CSMD1: variants seen among roughly 807,000 people sequenced by gnomAD.
The protein encoded by CSMD1 is CUB and Sushi multiple domains 1.
A neutral mutation model predicts 417.5 loss-of-function variants in CSMD1; 213 were observed. The ratio of observed to expected loss-of-function variants is 0.51; its 90% CI spans 0.46 to 0.57. The LOEUF (loss-of-function observed/expected upper bound fraction) is 0.57. Among genes scored for constraint, CSMD1 ranks in the 20% least tolerant of loss-of-function variants. The probability of loss-of-function intolerance (pLI) is 0.00; values close to 1 mark genes in which losing one functional copy is unlikely to be tolerated. For synonymous variants in CSMD1, 2,862 were observed against 1,736.8 expected (o/e 1.65, Z -16.11); for missense variants, 6,923 against 4,529.7 (o/e 1.53, Z -15.17).
At chr8:3,748,429 G>T (rs554876995) in intron 6 of CSMD1, among the ~76,000 whole-genome samples, 53 of 152,262 alleles carry the variant, frequency 3.5e-4, no homozygotes, top group Non-Finnish European at 5.7e-4. Context: ...CCCATGTGGA[G>T]GTTTCTAGAC....
intron 27 of CSMD1, among the ~76,000 whole-genome samples, chr8:3,226,581 CAA>C (rs35840582): frequency 0.014 from 962 of 67,704 alleles, 8 homozygotes; most frequent in African/African-American, 0.042. Context: ...GACTCTGTCT[CAA>C]AAAAAAAAAA....
At chr8:4,892,905 G>C (rs982714192) in intron 1 of CSMD1, among the ~76,000 whole-genome samples, 10 of 152,156 alleles carry the variant, frequency 6.6e-5, no homozygotes, top group African/African-American at 1.9e-4. Flanking sequence ...GCTTTATAAA[G>C]TATTAATGAA....
intron 3 of CSMD1, among the ~76,000 whole-genome samples, chr8:4,067,525 A>G (rs1019765275): frequency 2.6e-5 from 4 of 152,066 alleles, no homozygotes; most frequent in South Asian, 4.2e-4. Context: ...ATTTAACTTA[A>G]TTTTGTTGTA....
intron 1 of CSMD1, among the ~76,000 whole-genome samples, chr8:4,687,820 A>G (rs1365546777): frequency 7.6e-6 from 1 of 132,128 alleles, no homozygotes; most frequent in Non-Finnish European, 1.6e-5. Context: ...GATACACACA[A>G]ACACACATAC....
At chr8:4,472,347 C>T (rs932587904) in intron 2 of CSMD1, among the ~76,000 whole-genome samples, 23 of 151,946 alleles carry the variant, frequency 1.5e-4, no homozygotes, top group South Asian at 6.2e-4. Context: ...ATGTATGTAC[C>T]TGGTTTATTT....
In CSMD1 at chr8:3,929,104, G is replaced by A. The variant is rs551128355; in HGVS notation, c.818+68799C>T. On this transcript the variant is annotated intron_variant, in intron 5 of 69. Transcript: ENST00000635120. ...AGAATAAAGAAAGACTTGGAGTGAGGAGAGATGAAACTCTGCACATAAGCA... is the reference window on the plus strand; with the variant it reads ...AGAATAAAGAAAGACTTGGAGTGAGAAGAGATGAAACTCTGCACATAAGCA... Among the ~76,000 whole-genome samples the A allele has an allele frequency of 1.3e-5, 2 of 150,386 alleles. 1 individual carries two copies. Among genetic ancestry groups the A allele is most frequent in the East Asian group, 3.9e-4 (2 of 5,108 alleles).
At chr8:3,558,351 C>CT (rs1799270250) in intron 10 of CSMD1, among the ~76,000 whole-genome samples, 1 of 132,384 alleles carries the variant, frequency 7.6e-6, no homozygotes, top group Non-Finnish European at 1.8e-5. Flanking sequence ...CCCGTGTCCA[C>CT]TCCTCCAATG....
chr8:4,353,920 T>A (rs1801246101), intron 3 of CSMD1, among the ~76,000 whole-genome samples: 1 of 152,300 alleles, frequency 6.6e-6, no homozygotes, highest in Non-Finnish European at 1.5e-5. Flanking sequence ...TTTTACACAA[T>A]GTTCATTTGA....
rs558769632 is a variant in CSMD1 at position 3,108,492 on chromosome 8, C to T, written c.6754+111G>A. 193 of 1,113,132 alleles carry T rather than the reference C, an allele frequency of 1.7e-4. 3 individuals are homozygous for T. The South Asian group carries it at 2.8e-3, about 16-fold the overall frequency. 69.0% of individuals were successfully genotyped at this position (1,113,132 alleles called of 1,614,324 possible). ...GCCTCCAGTGCAAAAGAATCATACA[C>T]GCCCTCGGCTGAATCAAGAAACTTC... On this transcript the variant is annotated intron_variant, in intron 44 of 69. Transcript: ENST00000635120.
At chr8:4,574,896 A>T (rs1585271995) in intron 2 of CSMD1, among the ~76,000 whole-genome samples, 2 of 152,248 alleles carry the variant, frequency 1.3e-5, no homozygotes, top group Admixed American at 1.3e-4. Flanking sequence ...TTTGTGAAAG[A>T]ATAACATACA....
intron 10 of CSMD1, among the ~76,000 whole-genome samples, chr8:3,542,731 G>A (rs755382107): frequency 3.9e-4 from 60 of 152,200 alleles, no homozygotes; most frequent in Non-Finnish European, 6.3e-4. Flanking sequence ...GCTGTAGGTT[G>A]AGGTAAGAAG....
chr8:2,992,099 A>C (rs557853397), intron 54 of CSMD1, among the ~76,000 whole-genome samples: 2 of 152,358 alleles, frequency 1.3e-5, no homozygotes, highest in South Asian at 2.1e-4. Context: ...CACATGATTT[A>C]AAAGAAACAC....
chr8:3,400,568 A>T (rs1300763504), intron 15 of CSMD1, among the ~76,000 whole-genome samples: 1 of 151,992 alleles, frequency 6.6e-6, no homozygotes, highest in Admixed American at 6.6e-5. Context: ...ATTTATGGAA[A>T]CTGCATGACC....
At chr8:3,907,224 T>A (rs1472517736) in intron 5 of CSMD1, among the ~76,000 whole-genome samples, 2 of 152,348 alleles carry the variant, frequency 1.3e-5, no homozygotes, top group African/African-American at 4.8e-5. Context: ...AATAAAAATT[T>A]CTTGGAAAAG....
chr8:4,214,928 C>A (rs1255789137), intron 3 of CSMD1, among the ~76,000 whole-genome samples: 2 of 150,100 alleles, frequency 1.3e-5, no homozygotes, highest in Non-Finnish European at 3.0e-5. Context: ...TTTCAGCTCA[C>A]TTTTAATGAG....
intron 21 of CSMD1, 146 bp downstream of exon 21, chr8:3,359,006 C>A (rs896715497): frequency 3.0e-6 from 2 of 676,732 alleles, no homozygotes; most frequent in Non-Finnish European, 5.0e-6. Flanking sequence ...GCTCCCCTCT[C>A]CCCTGGTTGG....
intron 1 of CSMD1, among the ~76,000 whole-genome samples, chr8:4,855,172 A>T (rs1033691650): frequency 1.3e-5 from 2 of 150,546 alleles, no homozygotes; most frequent in Non-Finnish European, 2.9e-5. Context: ...CTCACACGGC[A>T]GGGTACTCCA....
chr8:3,531,846 C>T (rs1037525864), intron 10 of CSMD1, among the ~76,000 whole-genome samples: 71 of 152,270 alleles, frequency 4.7e-4, no homozygotes, highest in Non-Finnish European at 8.1e-4. Flanking sequence ...GAAACGGCTA[C>T]GTGGGGCCAG....
At chr8:4,914,510 G>A (rs1459425793) in intron 1 of CSMD1, among the ~76,000 whole-genome samples, 3 of 150,832 alleles carry the variant, frequency 2.0e-5, no homozygotes, top group African/African-American at 4.9e-5. Context: ...CCTGGGATGC[G>A]GAGTTTGCAG....
Sources: allele counts gnomAD v4.1 joint callset (sites outside exome capture counted in the v4.1 genomes callset), GRCh38; gene constraint gnomAD v4.1.1; transcripts MANE v1.5; gene names NCBI Gene and HGNC (gene_info 2026-07-23, HGNC 2026-07-21).